The following PDE1C variants were observed in gnomAD, a reference collection of about 807,000 sequenced individuals.
PDE1C encodes dual specificity calcium/calmodulin-dependent 3',5'-cyclic nucleotide phosphodiesterase 1C.
In PDE1C, 62 loss-of-function variants were observed where a neutral mutation model predicts 93.1. That is an observed-to-expected ratio of 0.67 (90% CI 0.54 to 0.82). PDE1C has a LOEUF of 0.82. Ranked by LOEUF, PDE1C falls within the 40% of genes least tolerant of loss-of-function variation. The pLI is 0.00. For synonymous variants in PDE1C, 325 were observed against 310.1 expected (o/e 1.05, Z -0.50); for missense variants, 742 against 884.6 (o/e 0.84, Z 2.04).
chr7:31,984,222 T>A (rs1483169888), intron 2 of PDE1C, among the ~76,000 whole-genome samples: 1 of 152,124 alleles, frequency 6.6e-6, no homozygotes, highest in Non-Finnish European at 1.5e-5. Context: ...CTCTGGCTCC[T>A]GTCAGATCAA....
intron 1 of PDE1C, among the ~76,000 whole-genome samples, chr7:32,217,894 T>C (rs1222805739): frequency 1.3e-5 from 2 of 152,212 alleles, no homozygotes; most frequent in Non-Finnish European, 2.9e-5. Flanking sequence ...AAACCAGACT[T>C]AGCCATGCCT....
chr7:31,769,899 C>T (rs1403612121), intron 17 of PDE1C, among the ~76,000 whole-genome samples: 1 of 152,114 alleles, frequency 6.6e-6, no homozygotes, highest in Non-Finnish European at 1.5e-5. Context: ...CTTAGCAAAA[C>T]GTTCTCTAGG....
chr7:31,677,774 A>G, the PDE1C span, among the ~76,000 whole-genome samples: 24 of 152,306 alleles, frequency 1.6e-4, no homozygotes, highest in African/African-American at 4.6e-4. Flanking sequence ...AAGCATTGCT[A>G]TCATATTGTA....
At chr7:32,108,432 A>C (rs888957753) in intron 3 of PDE1C, among the ~76,000 whole-genome samples, 2 of 109,386 alleles carry the variant, frequency 1.8e-5, no homozygotes, top group African/African-American at 8.5e-5. Flanking sequence ...CAGAAAAAAA[A>C]CCACACACAC....
the PDE1C span, among the ~76,000 whole-genome samples, chr7:31,713,351 C>T: frequency 1.5e-3 from 233 of 152,364 alleles, no homozygotes; most frequent in African/African-American, 5.4e-3. Context: ...CCAGGTCACG[C>T]TGATGCAAGA....
intron 3 of PDE1C, among the ~76,000 whole-genome samples, chr7:32,168,715 C>T (rs1367596531): frequency 6.6e-6 from 1 of 152,176 alleles, no homozygotes; most frequent in East Asian, 1.9e-4. Context: ...TCTTGTCTCA[C>T]TAATGTACTC....
intron 1 of PDE1C, among the ~76,000 whole-genome samples, chr7:32,266,948 G>A (rs1008239098): frequency 6.6e-6 from 1 of 152,146 alleles, no homozygotes; most frequent in Admixed American, 6.5e-5. Context: ...AGAGGGAGAG[G>A]AAGAGAAGAT....
chr7:31,666,533 T>C, the PDE1C span, among the ~76,000 whole-genome samples: 1 of 152,238 alleles, frequency 6.6e-6, no homozygotes, highest in African/African-American at 2.4e-5. Flanking sequence ...GGTTTGATTA[T>C]ACTAAAAGGA....
intron 17 of PDE1C, among the ~76,000 whole-genome samples, 154 bp from the exon 18 acceptor site, chr7:31,753,707 T>C (rs1029905010): frequency 1.3e-5 from 2 of 152,186 alleles, no homozygotes; most frequent in Non-Finnish European, 2.9e-5. Flanking sequence ...TTATGGCAGA[T>C]AGATGAATAA....
At chr7:32,091,926 C>G (rs1797493145) in intron 3 of PDE1C, among the ~76,000 whole-genome samples, 1 of 152,132 alleles carries the variant, frequency 6.6e-6, no homozygotes, top group Non-Finnish European at 1.5e-5. Flanking sequence ...ATGGTGGTGG[C>G]TCAGTCAGGC....
At chr7:31,734,104 T>A in the PDE1C span, among the ~76,000 whole-genome samples, 1 of 152,170 alleles carries the variant, frequency 6.6e-6, no homozygotes, top group Non-Finnish European at 1.5e-5. Flanking sequence ...ATTCAGATGT[T>A]TTCAGAAGGC....
chr7:31,878,468 T>G (rs879932885), intron 4 of PDE1C, among the ~76,000 whole-genome samples: 5 of 152,224 alleles, frequency 3.3e-5, no homozygotes, highest in Non-Finnish European at 7.3e-5. Flanking sequence ...TCTTTAAACT[T>G]ACCGTGGTGT....
At chr7:32,324,939 G>A (rs534733744) in intron 1 of PDE1C, among the ~76,000 whole-genome samples, 27 of 152,172 alleles carry the variant, frequency 1.8e-4, no homozygotes, top group African/African-American at 6.5e-4. Context: ...ACAGAGGAAG[G>A]CCCTATCTCA....
intron 1 of PDE1C, among the ~76,000 whole-genome samples, chr7:32,393,135 A>AGGAAAAAC (rs777067334): frequency 2.0e-4 from 31 of 151,548 alleles, no homozygotes; most frequent in Non-Finnish European, 3.5e-4. Flanking sequence ...AAGATCATCT[A>AGGAAAAAC]GGAAAAACTT....
Position 32,056,967 on chromosome 7 carries a change from C to A in PDE1C, c.102-5387G>T, listed in dbSNP as rs189022774. On this transcript the variant is annotated intron_variant, in intron 1 of 17. Coordinates refer to ENST00000396191, the MANE Select transcript of PDE1C (RefSeq NM_001191057.4). The stretch of plus-strand genomic sequence containing the variant: ...CCATGCATAAGGGGCCGTGTGCCTG[C>A]CTGTACACCCTGCCACCCACCCCAG... Among the ~76,000 whole-genome samples, 324 of 152,242 alleles carry A rather than the reference C, an allele frequency of 2.1e-3. 1 individual carries two copies. Among genetic ancestry groups the A allele is most frequent in the Non-Finnish European group, 1.9e-3 (130 of 68,016 alleles).
At chr7:31,897,855 T>G (rs1442274439) in intron 2 of PDE1C, among the ~76,000 whole-genome samples, 1 of 152,192 alleles carries the variant, frequency 6.6e-6, no homozygotes, top group Non-Finnish European at 1.5e-5. Flanking sequence ...CCAATGGGTT[T>G]TTTTAAATAT....
chr7:31,690,098 T>C, the PDE1C span, among the ~76,000 whole-genome samples: 4 of 152,330 alleles, frequency 2.6e-5, no homozygotes, highest in East Asian at 7.7e-4. Context: ...ACAGGCTTTC[T>C]TTTTCTAGAC....
chr7:32,051,220 G>A (rs1297956532), intron 2 of PDE1C, among the ~76,000 whole-genome samples: 5 of 152,122 alleles, frequency 3.3e-5, no homozygotes, highest in Admixed American at 6.5e-5. Context: ...TATAAAGACC[G>A]CTTTGTGCTC....
intron 2 of PDE1C, among the ~76,000 whole-genome samples, chr7:31,907,450 G>A (rs1231582126): frequency 1.3e-5 from 2 of 152,126 alleles, no homozygotes; most frequent in Admixed American, 6.6e-5. Flanking sequence ...GCCTAACAGA[G>A]TTATATGAAC....
Sources: gnomAD v4.1 joint callset for allele counts (sites outside exome capture counted in the v4.1 genomes callset) on GRCh38, gnomAD v4.1.1 for gene constraint, MANE v1.5 for transcripts, NCBI Gene and HGNC (gene_info 2026-07-23, HGNC 2026-07-21) for gene names.